LAMA1: variants seen among roughly 807,000 people sequenced by gnomAD.
LAMA1 encodes laminin subunit alpha 1, also known as laminin subunit alpha-1.
Under a neutral mutation model 348.7 loss-of-function variants are expected in LAMA1, and 219 were observed. The observed-to-expected ratio is 0.63, with a 90% CI of 0.56 to 0.70. The LOEUF (loss-of-function observed/expected upper bound fraction) is 0.70, where lower values mean the gene tolerates loss of function less well. Ranked by LOEUF, LAMA1 falls within the 30% of genes least tolerant of loss-of-function variation. LAMA1 has a pLI of 0.00. For missense variants in LAMA1, 3,744 were observed against 3,888.0 expected (o/e 0.96, Z 0.99); for synonymous variants, 1,487 against 1,491.0 (o/e 1.00, Z 0.06).
chr18:7,080,681 T>C (rs1162500218), intron 1 of LAMA1, among the ~76,000 whole-genome samples: 3 of 151,614 alleles, frequency 2.0e-5, no homozygotes. Context: ...TTGCAGGGGG[T>C]GGGGATTGAC....
At chr18:7,094,532 CAGACTGCTTCAT>C (rs1441512588) in intron 1 of LAMA1, among the ~76,000 whole-genome samples, 1 of 151,194 alleles carries the variant, frequency 6.6e-6, no homozygotes, top group Non-Finnish European at 1.5e-5. Context: ...ACAAGATCAT[CAGACTGCTTCAT>C]AAGCTCTCAC....
intron 3 of LAMA1, among the ~76,000 whole-genome samples, chr18:7,064,155 ATTTT>A (rs200073056): frequency 7.9e-5 from 12 of 151,310 alleles, no homozygotes; most frequent in Non-Finnish European, 1.2e-4. Context: ...TGTATTGTGG[ATTTT>A]TTTTTGTTTA....
At chr18:7,115,926 C>A (rs2058354434) in intron 1 of LAMA1, among the ~76,000 whole-genome samples, 1 of 151,770 alleles carries the variant, frequency 6.6e-6, no homozygotes, top group African/African-American at 2.4e-5. Context: ...TCGCAGTGAG[C>A]CGAGATGGTG....
rs2057797346 is a variant in LAMA1, at chr18:6,999,430, AG to A, written c.4663+14del. The A allele has an allele frequency of 1.2e-6, 2 of 1,614,002 alleles. No homozygotes were observed. Among genetic ancestry groups the A allele is most frequent in the East Asian group, 4.5e-5 (2 of 44,880 alleles). ...GGAAAAACCATCTTTACACATTTAG[AG>A]GAGAAATACTCACAAACACAATCTG... is the stretch of plus-strand genomic sequence containing the variant. On this transcript the variant is annotated intron_variant, in intron 32 of 62. Transcript: ENST00000389658.
At chr18:7,025,530 A>G (rs1198276553) in intron 17 of LAMA1, among the ~76,000 whole-genome samples, 4 of 151,930 alleles carry the variant, frequency 2.6e-5, no homozygotes, top group Non-Finnish European at 5.9e-5. Flanking sequence ...CTCAGGACAC[A>G]GTAGGCACTC....
intron 41 of LAMA1, among the ~76,000 whole-genome samples, 186 bp from the exon 42 acceptor site, chr18:6,980,823 G>A (rs145765569): frequency 4.1e-4 from 63 of 152,260 alleles, no homozygotes; most frequent in African/African-American, 1.3e-3. Flanking sequence ...GGCCAGGCGC[G>A]ATGGCTCACG....
At chr18:6,956,453 C>A in intron 56 of LAMA1, 183 bp downstream of exon 56, 1 of 923,250 alleles carries the variant, frequency 1.1e-6, no homozygotes, top group Non-Finnish European at 1.7e-6. Flanking sequence ...GCCGTGTCAT[C>A]TGAGTTGCTT....
At chr18:7,028,383 A>G (rs777890949) in intron 16 of LAMA1, among the ~76,000 whole-genome samples, 1 of 152,356 alleles carries the variant, frequency 6.6e-6, no homozygotes, top group East Asian at 1.9e-4. Context: ...CCCTCCTAAC[A>G]GCAGGCAGAG....
chr18:7,049,024 T>C lies in LAMA1; in HGVS notation c.768+54A>G, dbSNP rs1424107907. On this transcript the variant is annotated intron_variant, in intron 5 of 62. Coordinates refer to ENST00000389658, the MANE Select transcript of LAMA1 (RefSeq NM_005559.4). ...GAAAGAAGAAAAATAATAGTTCCTT[T>C]AAATAAAATGAATCTTTTTATTTTA... 2.0e-6 allele frequency: 3 copies of C among 1,526,768 alleles called. No individual in the cohort carries two copies. In the East Asian group the frequency reaches 6.9e-5, roughly 35 times the overall value. The allele number at this position is 1,526,768 out of a possible 1,614,324, so 94.6% of individuals were successfully genotyped here.
At chr18:7,086,118 T>C (rs555425767) in intron 1 of LAMA1, among the ~76,000 whole-genome samples, 9 of 152,314 alleles carry the variant, frequency 5.9e-5, no homozygotes, top group African/African-American at 2.2e-4. Flanking sequence ...CAAGCACCTC[T>C]TAGGTGTGCA....
At position 6,959,352 on chromosome 18, in the gene LAMA1, G is replaced by A; in HGVS notation, c.7767C>T (p.Val2589=). The change falls in exon 54 of 63, where the codon GTC becomes GTT. Residue 2589 remains valine (V), a synonymous_variant. Transcript: ENST00000389658. The stretch of plus-strand genomic sequence containing the variant: ...CCGCGTGCAAGTACCTCCGATTCCT[G>A]ACCAAGGAGATGGAATGCGCTTGTC... ...SDGQAHSISL[V]RNRRIITVQL... 1.2e-6 allele frequency: 2 copies of A among 1,614,062 alleles called. No individual in the cohort carries two copies. Among genetic ancestry groups the A allele is most frequent in the Non-Finnish European group, 1.7e-6 (2 of 1,180,028 alleles).
At chr18:6,981,124 A>C (rs1365521955) in intron 41 of LAMA1, among the ~76,000 whole-genome samples, 3 of 151,978 alleles carry the variant, frequency 2.0e-5, no homozygotes, top group African/African-American at 4.8e-5. Flanking sequence ...AAAAGAAATT[A>C]AGAATGTGTT....
intron 12 of LAMA1, among the ~76,000 whole-genome samples, chr18:7,037,321 G>A (rs957670272): frequency 2.0e-5 from 3 of 152,136 alleles, no homozygotes; most frequent in South Asian, 4.1e-4. Context: ...TCTCAGAGAC[G>A]GGGATGAGAC....
chr18:7,081,262 C>T (rs528142197), intron 1 of LAMA1, among the ~76,000 whole-genome samples: 1 of 152,014 alleles, frequency 6.6e-6, no homozygotes, highest in African/African-American at 2.4e-5. Flanking sequence ...GTGAAACAGG[C>T]CTTAAGGGAA....
At chr18:6,976,765 C>G (rs1046422674) in intron 44 of LAMA1, among the ~76,000 whole-genome samples, 1 of 151,926 alleles carries the variant, frequency 6.6e-6, no homozygotes, top group Non-Finnish European at 1.5e-5. Flanking sequence ...CACCACCAAG[C>G]CTGGTTATTA....
At chr18:7,096,104 T>C (rs1245241582) in intron 1 of LAMA1, among the ~76,000 whole-genome samples, 1 of 152,174 alleles carries the variant, frequency 6.6e-6, no homozygotes, top group Admixed American at 6.5e-5. Flanking sequence ...GACTGTGGTA[T>C]GGTATATGTG....
chr18:6,993,548 A>G, intron 35 of LAMA1, 93 bp downstream of exon 35: 1 of 963,342 alleles, frequency 1.0e-6, no homozygotes, highest in South Asian at 1.3e-5. Context: ...ACCCGATGCA[A>G]GAGATATACA....
Position 7,037,577 on chromosome 18 carries a change from C to T in LAMA1, c.1737+1G>A. The T allele has an allele frequency of 6.2e-7, 1 of 1,614,004 alleles. No homozygotes were observed. On this transcript the variant is annotated splice_donor_variant, in intron 12 of 62. Transcript: ENST00000389658. LOFTEE classifies it high-confidence loss of function. ...ATCGCTACCTGCAGGGTCACACGCA[C>T]CTTATTTCCAAGGTAGGCCTCGGGG... is the stretch of plus-strand genomic sequence containing the variant.
chr18:6,971,502 T>A (rs1420418078), intron 48 of LAMA1, among the ~76,000 whole-genome samples: 1 of 152,156 alleles, frequency 6.6e-6, no homozygotes, highest in African/African-American at 2.4e-5. Context: ...CTGAAACGTT[T>A]AGGGTTTATG....
Sources: gnomAD v4.1 joint callset for allele counts (sites outside exome capture counted in the v4.1 genomes callset) on GRCh38, gnomAD v4.1.1 for gene constraint, MANE v1.5 for transcripts, NCBI Gene and HGNC (gene_info 2026-07-23, HGNC 2026-07-21) for gene names.